Variants in CHAT observed in about 807,000 individuals in gnomAD.
The protein encoded by CHAT is acetyl CoA:choline O-acetyltransferase.
A neutral mutation model predicts 76.9 loss-of-function variants in CHAT; 61 were observed. The ratio of observed to expected loss-of-function variants is 0.79; its 90% confidence interval spans 0.65 to 0.98. The LOEUF (loss-of-function observed/expected upper bound fraction) is 0.98, where lower values mean the gene tolerates loss of function less well. Ranked by LOEUF, CHAT falls within the 50% of genes least tolerant of loss-of-function variation. CHAT has a pLI of 0.00. For synonymous variants in CHAT, 407 were observed against 397.4 expected (o/e 1.02, Z -0.29); for missense variants, 946 against 986.9 (o/e 0.96, Z 0.56).
chr10:49,622,014 G>T, intron 4 of CHAT, 83 bp from the exon 5 acceptor site: 5 of 1,485,468 alleles, frequency 3.4e-6, no homozygotes, highest in South Asian at 1.1e-5. Flanking sequence ...AAGAGGGAAG[G>T]AGGGAGGGGA....
At chr10:49,660,986 C>A (rs555087267) in intron 13 of CHAT, among the ~76,000 whole-genome samples, 44 of 152,178 alleles carry the variant, frequency 2.9e-4, no homozygotes, top group Non-Finnish European at 3.4e-4. Context: ...CTATGTTTTC[C>A]CTTCCTCACA....
In CHAT at chr10:49,614,215, G is replaced by C; in HGVS notation, c.26G>C (p.Arg9Thr). Reference protein sequence around the residue: MGLRTAKKRGLGGGGKWKR... With the variant: MGLRTAKKTGLGGGGKWKR... Reference sequence around the variant, plus strand: ...ATGGGGCTGAGGACAGCGAAGAAGAGGGGGCTTGGGGGAGGGGGGAAATGG... The same window carrying C: ...ATGGGGCTGAGGACAGCGAAGAAGACGGGGCTTGGGGGAGGGGGGAAATGG... Residue 9 changes from arginine to threonine, a missense_variant, in exon 1 of 15, where the codon AGG becomes ACG. Physicochemically the swap from Arg to Thr is moderately conservative, Grantham distance 71. Around this residue, in one of 3 missense-constraint regions of CHAT, gnomAD observed 548 missense variants for 516.2 expected, o/e 1.06. Coordinates refer to ENST00000337653, the MANE Select transcript of CHAT (RefSeq NM_020549.5). 1 of 1,529,054 alleles carries C rather than the reference G, an allele frequency of 6.5e-7. No homozygotes were observed. The highest frequency in any genetic ancestry group is 8.8e-7 in the Non-Finnish European group (1 of 1,131,322). The allele number at this position is 1,529,054 out of a possible 1,614,324, so 94.7% of individuals were successfully genotyped here. A position where few individuals can be genotyped will look rare whatever the true frequency, so the allele number is the denominator to read the frequency against.
upstream of CHAT, chr10:49,612,072 C>G (rs760513434): frequency 1.9e-6 from 3 of 1,613,508 alleles, no homozygotes; most frequent in Admixed American, 5.0e-5. Context: ...ACATTGTGCA[C>G]TCGCTGGGCT....
chr10:49,623,711 T>C (rs1389737532), intron 5 of CHAT, among the ~76,000 whole-genome samples: 3 of 152,116 alleles, frequency 2.0e-5, no homozygotes, highest in African/African-American at 4.8e-5. Flanking sequence ...TCCCATACCT[T>C]GTCGAGCCAT....
intron 1 of CHAT, chr10:49,616,153 T>C (rs1032926283): frequency 9.5e-6 from 14 of 1,479,408 alleles, no homozygotes; most frequent in Non-Finnish European, 1.2e-5. Context: ...AAAGCACTTA[T>C]CTATTGGGTT....
At chr10:49,662,585 G>T in intron 13 of CHAT, 60 bp from the exon 14 acceptor site, 1 of 1,605,904 alleles carries the variant, frequency 6.2e-7, no homozygotes. Context: ...ACAGAGCAGG[G>T]AACAAGGAGG....
At chr10:49,635,528 C>G (rs761383623) in intron 7 of CHAT, among the ~76,000 whole-genome samples, 4 of 152,166 alleles carry the variant, frequency 2.6e-5, no homozygotes, top group Admixed American at 6.5e-5. Flanking sequence ...AGTGACTGTA[C>G]CATTTTACAT....
At chr10:49,653,629 T>C (rs1312421654) in intron 11 of CHAT, among the ~76,000 whole-genome samples, 1 of 152,236 alleles carries the variant, frequency 6.6e-6, no homozygotes, top group Non-Finnish European at 1.5e-5. Context: ...AAGGCCGATG[T>C]CATCCCACAT....
intron 1 of CHAT, chr10:49,615,786 C>T (rs762066778): frequency 4.9e-5 from 27 of 545,606 alleles, no homozygotes; most frequent in Non-Finnish European, 7.8e-5. Flanking sequence ...GGCAGGTGGC[C>T]CCTAGGGGCC....
intron 7 of CHAT, among the ~76,000 whole-genome samples, chr10:49,632,313 G>A (rs796614386): frequency 3.0e-4 from 45 of 152,296 alleles, no homozygotes; most frequent in African/African-American, 9.6e-4. Flanking sequence ...ACATGGCCTG[G>A]GGAGTGGGGT....
chr10:49,618,673 C>G (rs1306857761), intron 2 of CHAT, among the ~76,000 whole-genome samples: 1 of 152,314 alleles, frequency 6.6e-6, no homozygotes, highest in East Asian at 1.9e-4. Flanking sequence ...AAAATTGAAG[C>G]CACACAGAAG....
intron 7 of CHAT, among the ~76,000 whole-genome samples, chr10:49,636,012 T>G (rs1000536637): frequency 6.6e-6 from 1 of 152,146 alleles, no homozygotes. Context: ...TGATTATGTA[T>G]GTAGAAAATA....
At chr10:49,611,256 C>G (rs1210881274), upstream of CHAT, 2 of 1,612,930 alleles carry the variant, frequency 1.2e-6, no homozygotes, top group Non-Finnish European at 1.7e-6. Context: ...TCGCCTTCGC[C>G]GAGGACTACG....
chr10:49,628,658 C>T (rs1002952100), intron 7 of CHAT, among the ~76,000 whole-genome samples: 8 of 152,210 alleles, frequency 5.3e-5, no homozygotes, highest in African/African-American at 1.2e-4. Context: ...GCGTCAAAAA[C>T]GTGCTCCAGG....
chr10:49,632,638 C>T (rs2132751709), intron 7 of CHAT, among the ~76,000 whole-genome samples: 1 of 152,252 alleles, frequency 6.6e-6, no homozygotes, highest in Non-Finnish European at 1.5e-5. Flanking sequence ...GAAACACTTC[C>T]CCGGATTCTC....
At chr10:49,658,662 T>C (rs1249309513) in intron 13 of CHAT, among the ~76,000 whole-genome samples, 2 of 152,190 alleles carry the variant, frequency 1.3e-5, no homozygotes, top group African/African-American at 4.8e-5. Context: ...TGAGCTGAGA[T>C]TGCACCACTG....
chr10:49,646,965 G>T (rs1044845907), intron 8 of CHAT: 1 of 492,266 alleles, frequency 2.0e-6, no homozygotes, highest in Non-Finnish European at 3.7e-6. Context: ...GGAAGGTCTG[G>T]GCCAGACCTG....
chr10:49,610,583 G>C, upstream of CHAT: 1 of 631,330 alleles, frequency 1.6e-6, no homozygotes. Context: ...TTCCTTTCCC[G>C]GGACGCTGGG....
At chr10:49,663,828 A>C (rs1415600197) in intron 14 of CHAT, among the ~76,000 whole-genome samples, 7 of 152,204 alleles carry the variant, frequency 4.6e-5, no homozygotes, top group South Asian at 2.1e-4. Context: ...CAGCACCATA[A>C]ATTTCTCAGG....
Sources: allele counts gnomAD v4.1 joint callset (sites outside exome capture counted in the v4.1 genomes callset), GRCh38; gene constraint gnomAD v4.1.1; regional missense constraint gnomAD v4.1.1; transcripts MANE v1.5; gene names NCBI Gene and HGNC (gene_info 2026-07-23, HGNC 2026-07-21).